Variants in KIF13B observed in about 807,000 individuals in gnomAD.
KIF13B encodes kinesin family member 13B, also known as kinesin-like protein KIF13B.
Under a neutral mutation model 222.0 loss-of-function variants are expected in KIF13B, and 127 were observed. The ratio of observed to expected loss-of-function variants is 0.57; its 90% CI spans 0.50 to 0.66. The LOEUF (loss-of-function observed/expected upper bound fraction) is 0.66. Ranked by LOEUF, KIF13B falls within the 30% of genes least tolerant of loss-of-function variation. The pLI is 0.00. For missense variants in KIF13B, 2,173 were observed against 2,379.0 expected (o/e 0.91, Z 1.80); for synonymous variants, 976 against 919.0 (o/e 1.06, Z -1.12).
chr8:29,207,212 C>T (rs927073186), intron 2 of KIF13B, among the ~76,000 whole-genome samples: 19 of 152,194 alleles, frequency 1.2e-4, no homozygotes, highest in Non-Finnish European at 7.3e-5. Flanking sequence ...GCCTCCACTG[C>T]ATTACTCTAA....
Position 29,134,308 on chromosome 8 carries a change from G to A in KIF13B, c.2614-98C>T, listed in dbSNP as rs1180323939. On this transcript the variant is annotated intron_variant, in intron 21 of 39. Coordinates refer to ENST00000524189, the MANE Select transcript of KIF13B (RefSeq NM_015254.4). ...CCCCGGCTCTGTCACTAACTTAGGT[G>A]CTTATGATATTTATGTTGGCCAAAT... 1.9e-5 allele frequency: 21 copies of A among 1,132,738 alleles called. No individual in the cohort carries two copies. The East Asian group carries it at 3.8e-4, about 20-fold the overall frequency. The allele number at this position is 1,132,738 out of a possible 1,614,324, so 70.2% of individuals were successfully genotyped here.
At chr8:29,186,711 C>T (rs531616581) in intron 5 of KIF13B, among the ~76,000 whole-genome samples, 4 of 151,996 alleles carry the variant, frequency 2.6e-5, no homozygotes, top group Non-Finnish European at 5.9e-5. Context: ...TAATTCCCAG[C>T]ACTTTGGGAG....
intron 37 of KIF13B, among the ~76,000 whole-genome samples, chr8:29,077,337 C>T (rs1189523588): frequency 6.6e-6 from 1 of 152,242 alleles, no homozygotes; most frequent in East Asian, 1.9e-4. Flanking sequence ...GAGGCTCAAG[C>T]ACGCGTCCCA....
chr8:29,197,113 G>A lies in KIF13B; in HGVS notation c.150-914C>T, dbSNP rs983287420. Among the ~76,000 whole-genome samples, 5 of 151,664 alleles carry A rather than the reference G, an allele frequency of 3.3e-5. No homozygotes were observed. In the South Asian group the frequency reaches 6.3e-4, roughly 19 times the overall value. On this transcript the variant is annotated intron_variant, in intron 2 of 39. Transcript: ENST00000524189. ...AGCACTTTGGGAGGCCGAGGCGGGCGGATCACGAGGTCAGGAAATCGAGAC... is the reference window on the plus strand; with the variant it reads ...AGCACTTTGGGAGGCCGAGGCGGGCAGATCACGAGGTCAGGAAATCGAGAC...
intron 32 of KIF13B, among the ~76,000 whole-genome samples, chr8:29,113,118 TGA>T (rs1809432979): frequency 1.3e-5 from 2 of 152,184 alleles, no homozygotes; most frequent in African/African-American, 4.8e-5. Flanking sequence ...TGCTAATAAG[TGA>T]CAGAAACAAG....
At chr8:29,141,010 G>A (rs551169661) in intron 19 of KIF13B, among the ~76,000 whole-genome samples, 1 of 152,272 alleles carries the variant, frequency 6.6e-6, no homozygotes, top group Non-Finnish European at 1.5e-5. Context: ...ATTCTTATCT[G>A]CTCTGCTTAT....
chr8:29,219,746 AAAAT>A (rs372012234), intron 2 of KIF13B, among the ~76,000 whole-genome samples: 6,061 of 146,604 alleles, frequency 0.041, 267 homozygotes, highest in African/African-American at 0.099. Flanking sequence ...CCCTGTTTCC[AAAAT>A]AAATAAATAA....
intron 37 of KIF13B, among the ~76,000 whole-genome samples, chr8:29,082,647 A>C (rs1198005808): frequency 1.3e-5 from 2 of 152,038 alleles, no homozygotes; most frequent in Admixed American, 6.6e-5. Flanking sequence ...AGAAAAAATA[A>C]ATTAAAAAAA....
chr8:29,263,118 C>CG (rs1816752578), upstream of KIF13B: 4 of 441,764 alleles, frequency 9.1e-6, no homozygotes, highest in Non-Finnish European at 1.6e-5. Context: ...GGGAGGGGGC[C>CG]GGGGGCGGAG....
At chr8:29,119,452 G>A (rs75661029) in intron 29 of KIF13B, among the ~76,000 whole-genome samples, 5,118 of 152,210 alleles carry the variant, frequency 0.034, 307 homozygotes, top group African/African-American at 0.12. Flanking sequence ...CCTCAGGCCC[G>A]AGCCTGGCCC....
chr8:29,165,719 G>A lies in KIF13B; in HGVS notation c.1212C>T (p.Ile404=). Residue 404 remains isoleucine, a synonymous_variant, in exon 12 of 40, where the codon ATC becomes ATT. Transcript: ENST00000524189. ...KDRLEESEKL[I]QEMTVTWEEK... ...CCTCCCAGGTCACAGTCATTTCCTG[G>A]ATTAGCTTCTCAGATTCTTCCAGCC... is the stretch of plus-strand genomic sequence containing the variant. 1 of 1,613,802 alleles carries A rather than the reference G, an allele frequency of 6.2e-7. No individual in the cohort carries two copies. Among genetic ancestry groups the A allele is most frequent in the East Asian group, 2.2e-5 (1 of 44,880 alleles).
At chr8:29,114,684 A>T (rs1230875469) in intron 31 of KIF13B, among the ~76,000 whole-genome samples, 1 of 152,208 alleles carries the variant, frequency 6.6e-6, no homozygotes, top group Middle Eastern at 3.2e-3. Context: ...TTGAGAGAGA[A>T]AATGGCATGC....
chr8:29,106,480 A>T (rs953212088), intron 35 of KIF13B, among the ~76,000 whole-genome samples: 1 of 149,816 alleles, frequency 6.7e-6, no homozygotes, highest in African/African-American at 2.5e-5. Flanking sequence ...AAAAATACAA[A>T]AGTTAGTAGG....
intron 34 of KIF13B, among the ~76,000 whole-genome samples, chr8:29,108,668 C>G (rs1040947398): frequency 1.3e-5 from 2 of 152,134 alleles, no homozygotes; most frequent in Non-Finnish European, 2.9e-5. Flanking sequence ...AGACGTTATC[C>G]GCCTTGAGTT....
At chr8:29,188,939 A>C (rs1813060237) in intron 4 of KIF13B, among the ~76,000 whole-genome samples, 1 of 152,190 alleles carries the variant, frequency 6.6e-6, no homozygotes, top group South Asian at 2.1e-4. Flanking sequence ...ACCTGGACTT[A>C]ACTATTTACC....
intron 2 of KIF13B, among the ~76,000 whole-genome samples, chr8:29,226,521 C>T (rs546024437): frequency 6.6e-6 from 1 of 152,128 alleles, no homozygotes; most frequent in African/African-American, 2.4e-5. Flanking sequence ...CCATGGGTGT[C>T]CGCTCCCCAG....
intron 24 of KIF13B, among the ~76,000 whole-genome samples, chr8:29,130,242 T>G (rs1810286135): frequency 1.3e-5 from 2 of 152,252 alleles, no homozygotes; most frequent in South Asian, 4.1e-4. Flanking sequence ...CTGACAGCAG[T>G]GGCTCACACC....
chr8:29,251,467 G>A (rs1816278345), intron 1 of KIF13B, among the ~76,000 whole-genome samples: 1 of 152,148 alleles, frequency 6.6e-6, no homozygotes, highest in Admixed American at 6.5e-5. Flanking sequence ...AAATTCTGAC[G>A]CATCATATCA....
chr8:29,197,932 C>T (rs1813513983), intron 2 of KIF13B, among the ~76,000 whole-genome samples: 1 of 152,234 alleles, frequency 6.6e-6, no homozygotes, highest in Non-Finnish European at 1.5e-5. Context: ...ATTGGCCCTT[C>T]TCAGAGGATC....
Sources: gnomAD v4.1 joint callset for allele counts (sites outside exome capture counted in the v4.1 genomes callset) on GRCh38, gnomAD v4.1.1 for gene constraint, MANE v1.5 for transcripts, NCBI Gene and HGNC (gene_info 2026-07-23, HGNC 2026-07-21) for gene names.